GDPD4: variants seen among roughly 807,000 people sequenced by gnomAD.
The protein encoded by GDPD4 is glycerophosphodiester phosphodiesterase 6.
Under a neutral mutation model 67.8 loss-of-function variants are expected in GDPD4, and 60 were observed. That is an observed-to-expected ratio of 0.88 (90% confidence interval 0.72 to 1.10). The LOEUF (loss-of-function observed/expected upper bound fraction) is 1.10, where lower values mean the gene tolerates loss of function less well. Ranked by LOEUF, GDPD4 falls within the 50% of genes least tolerant of loss-of-function variation. The pLI is 0.00. For synonymous variants in GDPD4, 212 were observed against 210.9 expected, an observed-to-expected ratio of 1.00 and a Z score of -0.04; for missense variants, 623 against 613.9, an observed-to-expected ratio of 1.01 and a Z score of -0.16.
chr11:77,218,268 A>G (rs748248671), intron 16 of GDPD4, among the ~76,000 whole-genome samples: 2 of 152,178 alleles, frequency 1.3e-5, no homozygotes, highest in Non-Finnish European at 2.9e-5. Context: ...TTTAGTGATC[A>G]ATCATATGCC....
At chr11:77,296,390 G>A (rs1450365236) in intron 1 of GDPD4, among the ~76,000 whole-genome samples, 6 of 149,092 alleles carry the variant, frequency 4.0e-5, no homozygotes, top group Non-Finnish European at 5.9e-5. Context: ...GCGTGCTCTC[G>A]GCTCACTGCA....
chr11:77,268,676 A>T, intron 9 of GDPD4, 137 bp from the exon 10 acceptor site: 1 of 765,488 alleles, frequency 1.3e-6, no homozygotes, highest in Non-Finnish European at 2.2e-6. Context: ...AAACCTGTAT[A>T]CCCTCCGTCC....
intron 11 of GDPD4, 122 bp downstream of exon 11, chr11:77,258,264 A>G: frequency 2.1e-6 from 2 of 943,184 alleles, no homozygotes; most frequent in Non-Finnish European, 1.7e-6. Flanking sequence ...CCTGCTACCA[A>G]ACTGGGATGA....
chr11:77,261,995 A>G (rs1591556465), intron 10 of GDPD4, among the ~76,000 whole-genome samples: 1 of 152,252 alleles, frequency 6.6e-6, no homozygotes, highest in Admixed American at 6.5e-5. Flanking sequence ...TGTTGTGAAT[A>G]GAAAAAATTT....
chr11:77,289,844 G>GAGGGAGGGAGA (rs1359888846), intron 1 of GDPD4, among the ~76,000 whole-genome samples: 1 of 137,296 alleles, frequency 7.3e-6, no homozygotes, highest in East Asian at 2.2e-4. Context: ...GGAAGGAAAG[G>GAGGGAGGGAGA]AGGGAGGGAG....
In GDPD4 at chr11:77,268,962, G is replaced by A. The variant is rs758515411; in HGVS notation, c.586C>T (p.Pro196Ser). The A allele has an allele frequency of 2.5e-6, 4 of 1,613,926 alleles. No homozygotes were observed. Among genetic ancestry groups the A allele is most frequent in the Non-Finnish European group, 3.4e-6 (4 of 1,179,986 alleles). The change falls in exon 9 of 17, where the codon CCC (proline) becomes TCC (serine). Residue 196 changes from proline (P) to serine (S), a missense_variant. Transcript: ENST00000315938. ...CTATGTCCAAAGATGGTTGGCTTGGGCCCCAAATTCTCCTTCTCCTGAATG... is the reference window on the plus strand; with the variant it reads ...CTATGTCCAAAGATGGTTGGCTTGGACCCCAAATTCTCCTTCTCCTGAATG... ...PCIQEKENLGPKPTIFGHRGA... is the reference protein window; with the variant it reads ...PCIQEKENLGSKPTIFGHRGA...
chr11:77,276,182 T>A lies in GDPD4; in HGVS notation c.186A>T (p.Leu62=). The A allele has an allele frequency of 6.2e-7, 1 of 1,613,676 alleles. No individual in the cohort carries two copies. ...GFLLLWERIE[L]YLHLCHKILI... ...CTACCTTATGACACAAGTGCAGGTA[T>A]AGTTCAATCCTTTCCCAAAGCAACA... The change falls in exon 5 of 17, where the codon CTA becomes CTT. Residue 62 remains leucine, a synonymous_variant. Transcript: ENST00000315938.
At chr11:77,256,779 A>C (rs1182646039) in intron 11 of GDPD4, among the ~76,000 whole-genome samples, 1 of 152,170 alleles carries the variant, frequency 6.6e-6, no homozygotes, top group East Asian at 1.9e-4. Context: ...TCGCCATATG[A>C]CATGCCTTGC....
chr11:77,271,969 T>G (rs943018147), intron 5 of GDPD4, among the ~76,000 whole-genome samples: 2 of 152,206 alleles, frequency 1.3e-5, no homozygotes, highest in African/African-American at 4.8e-5. Context: ...GCCAGAACAC[T>G]GTATACTTCA....
intron 9 of GDPD4, 138 bp from the exon 10 acceptor site, chr11:77,268,677 C>A (rs1959190646): frequency 1.3e-6 from 1 of 763,920 alleles, no homozygotes; most frequent in Non-Finnish European, 2.2e-6. Flanking sequence ...AACCTGTATA[C>A]CCTCCGTCCA....
rs923612330 is a variant in GDPD4 at position 77,216,916 on chromosome 11, G to C, written c.*361C>G. On this transcript the variant is annotated 3_prime_UTR_variant, in exon 17 of 17. Transcript: ENST00000315938. ...ATTATTTGGAGTATTCAGCCATGGG[G>C]ATCTCTTAGAGGTCTCTTATTTAAG... is the stretch of plus-strand genomic sequence containing the variant. 5 of 697,234 alleles carry C rather than the reference G, an allele frequency of 7.2e-6. No individual in the cohort carries two copies. Among genetic ancestry groups the C allele is most frequent in the African/African-American group, 7.0e-5 (4 of 56,920 alleles). The allele number at this position is 697,234 out of a possible 1,614,324, so 43.2% of individuals were successfully genotyped here. A position where few individuals can be genotyped will look rare whatever the true frequency, so the allele number is the denominator to read the frequency against.
At chr11:77,224,675 A>G (rs1216623611) in intron 16 of GDPD4, among the ~76,000 whole-genome samples, 1 of 152,238 alleles carries the variant, frequency 6.6e-6, no homozygotes, top group Non-Finnish European at 1.5e-5. Flanking sequence ...CAAACCTCAA[A>G]TAAGATTGTA....
In GDPD4 at chr11:77,216,854, G is replaced by C; in HGVS notation, c.*423C>G. 1.6e-6 allele frequency: 1 copy of C among 644,526 alleles called. No individual in the cohort carries two copies. 39.9% of individuals were successfully genotyped at this position (644,526 alleles called of 1,614,324 possible). ...TAATTCTTCTTTGGAAACACAGAAG[G>C]CTATGTCAGATGCAATGGAATATAT... On this transcript the variant is annotated 3_prime_UTR_variant, in exon 17 of 17. Coordinates refer to ENST00000315938, the MANE Select transcript of GDPD4 (RefSeq NM_182833.3).
chr11:77,237,495 C>T (rs1958589738), intron 13 of GDPD4, among the ~76,000 whole-genome samples: 1 of 152,132 alleles, frequency 6.6e-6, no homozygotes, highest in Non-Finnish European at 1.5e-5. Context: ...GAAGAGGGCA[C>T]ATAATCTTCA....
In GDPD4 at chr11:77,235,009, G is replaced by GTTTTTTTTTTTTTT. The variant is rs57989259; in HGVS notation, c.1242-1851_1242-1838dup. 3.3e-3 allele frequency among the ~76,000 whole-genome samples: 172 copies of GTTTTTTTTTTTTTT among 52,254 alleles called. 18 individuals are homozygous for GTTTTTTTTTTTTTT. Among genetic ancestry groups the GTTTTTTTTTTTTTT allele is most frequent in the Non-Finnish European group, 5.1e-3 (137 of 27,078 alleles). 34.3% of individuals were successfully genotyped at this position (52,254 alleles called of 152,430 possible). On this transcript the variant is annotated intron_variant, in intron 13 of 16. Coordinates refer to ENST00000315938, the MANE Select transcript of GDPD4 (RefSeq NM_182833.3). ...TCTCTCTGCAACCTTGTCAATATCTGTTTTTTTTTTTTTTTTTTTTTTTTT... is the reference window on the plus strand; with the variant it reads ...TCTCTCTGCAACCTTGTCAATATCTGTTTTTTTTTTTTTTTTTTTTTTTTTTTTTTTTTTTTTTT...
At chr11:77,282,621 C>T (rs2135885756) in intron 3 of GDPD4, among the ~76,000 whole-genome samples, 1 of 151,544 alleles carries the variant, frequency 6.6e-6, no homozygotes, top group Non-Finnish European at 1.5e-5. Context: ...GAGGCAGAGG[C>T]TGCAATGAGC....
At chr11:77,250,525 T>C (rs989035910) in intron 11 of GDPD4, among the ~76,000 whole-genome samples, 15 of 152,238 alleles carry the variant, frequency 9.9e-5, no homozygotes, top group African/African-American at 3.1e-4. Context: ...TCAGAAAAGA[T>C]ACTTAATATG....
At chr11:77,226,749 G>T (rs974849919) in intron 16 of GDPD4, among the ~76,000 whole-genome samples, 1 of 152,178 alleles carries the variant, frequency 6.6e-6, no homozygotes, top group Non-Finnish European at 1.5e-5. Context: ...CATGTAATTT[G>T]TAACTCAAGT....
chr11:77,217,370 G>A, intron 16 of GDPD4, 56 bp from the exon 17 acceptor site: 1 of 1,359,612 alleles, frequency 7.4e-7, no homozygotes, highest in South Asian at 1.2e-5. Flanking sequence ...CTCTCTGTCA[G>A]TCATGTGTGA....
Sources: gnomAD v4.1 joint callset for allele counts (sites outside exome capture counted in the v4.1 genomes callset) on GRCh38, gnomAD v4.1.1 for gene constraint, MANE v1.5 for transcripts, NCBI Gene and HGNC (gene_info 2026-07-23, HGNC 2026-07-21) for gene names.